Variants in DICER1 observed in about 807,000 individuals in gnomAD.
DICER1 encodes the protein endoribonuclease Dicer.
In DICER1, 43 loss-of-function variants were observed where a neutral mutation model predicts 194.1. The ratio of observed to expected loss-of-function variants is 0.22; its 90% CI spans 0.17 to 0.29. DICER1 has a LOEUF of 0.29. Among genes scored for constraint, DICER1 ranks in the 10% least tolerant of loss-of-function variants. DICER1 has a pLI of 1.00. For missense variants in DICER1, 1,608 were observed against 2,317.0 expected (o/e 0.69, Z 6.28); for synonymous variants, 832 against 820.5 (o/e 1.01, Z -0.24).
rs183203101 is a variant in DICER1, at chr14:95,087,404, A to C, written c.*3094T>G. The C allele has an allele frequency of 4.3e-6, 1 of 233,302 alleles. No homozygotes were observed. The highest frequency in any genetic ancestry group is 2.2e-5 in the African/African-American group (1 of 45,360). The allele number at this position is 233,302 out of a possible 1,614,324, so 14.5% of individuals were successfully genotyped here. On this transcript the variant is annotated 3_prime_UTR_variant, in exon 27 of 27. Coordinates refer to ENST00000343455, the MANE Select transcript of DICER1 (RefSeq NM_177438.3). The stretch of plus-strand genomic sequence containing the variant: ...AGAGTTCAGTTAACAAATCTGTTTC[A>C]TACTTTCACAAACAGTAAAAATGCC...
rs1060503594 is a variant in DICER1, at chr14:95,117,708, T to A, written c.1423A>T (p.Ser475Cys). 7.4e-6 allele frequency: 12 copies of A among 1,613,764 alleles called. No homozygotes were observed. The highest frequency in any genetic ancestry group is 2.7e-5 in the African/African-American group (2 of 74,916). ...GKQDPELAYI[S>C]SNFITGHGIG... ...CCATGTCCAGTTATGAAATTGCTACTGATATAAGCCAGCTCTGGATCTTGT... is the reference window on the plus strand; with the variant it reads ...CCATGTCCAGTTATGAAATTGCTACAGATATAAGCCAGCTCTGGATCTTGT... The change falls in exon 9 of 27, where the codon AGT (serine) becomes TGT (cysteine). Residue 475 changes from serine (S) to cysteine (C), a missense_variant. Physicochemically the swap from Ser to Cys is moderately radical, Grantham distance 112. Around this residue, in one of 10 missense-constraint regions of DICER1, gnomAD observed 657 missense variants for 910.1 expected, o/e 0.72. Transcript: ENST00000343455.
At chr14:95,093,785 G>T in intron 24 of DICER1, 103 bp downstream of exon 24, 1 of 1,276,138 alleles carries the variant, frequency 7.8e-7, no homozygotes, top group Non-Finnish European at 1.1e-6. Context: ...CCACACCCCT[G>T]ACCTCCTGCT....
intron 26 of DICER1, 138 bp downstream of exon 26, chr14:95,090,896 A>G: frequency 1.0e-6 from 1 of 997,906 alleles, no homozygotes; most frequent in Non-Finnish European, 1.5e-6. Flanking sequence ...GAAGTCAATC[A>G]GATTACAAAC....
intron 8 of DICER1, among the ~76,000 whole-genome samples, chr14:95,120,493 C>T (rs1036046088): frequency 4.6e-5 from 7 of 152,186 alleles, no homozygotes; most frequent in Middle Eastern, 3.4e-3. Flanking sequence ...ACAAAGTGGG[C>T]AGAAAAGAAA....
At chr14:95,114,662 A>G (rs1399071044) in intron 11 of DICER1, among the ~76,000 whole-genome samples, 1 of 152,214 alleles carries the variant, frequency 6.6e-6, no homozygotes, top group Non-Finnish European at 1.5e-5. Flanking sequence ...ACTAATTATA[A>G]AAGGGGTGAA....
At chr14:95,109,595 T>A (rs1211209528) in intron 14 of DICER1, among the ~76,000 whole-genome samples, 1 of 152,250 alleles carries the variant, frequency 6.6e-6, no homozygotes, top group Admixed American at 6.5e-5. Context: ...TAGTCTCACG[T>A]GAAAATTTGG....
Position 95,115,945 on chromosome 14 carries a change from T to C in DICER1, c.1753-124A>G, listed in dbSNP as rs879599133. Reference sequence around the variant, plus strand: ...TCTCTCTCTCCTAAACATACTTCAGTACTCCAAAGTAACCTGCTGCAGACA... The same window carrying C: ...TCTCTCTCTCCTAAACATACTTCAGCACTCCAAAGTAACCTGCTGCAGACA... On this transcript the variant is annotated intron_variant, in intron 10 of 26. Coordinates refer to ENST00000343455, the MANE Select transcript of DICER1 (RefSeq NM_177438.3). 4.3e-6 allele frequency: 4 copies of C among 930,402 alleles called. No homozygotes were observed. In the Admixed American group the frequency reaches 5.9e-5, roughly 14 times the overall value. 57.6% of individuals were successfully genotyped at this position (930,402 alleles called of 1,614,324 possible). A position where few individuals can be genotyped will look rare whatever the true frequency, so the allele number is the denominator to read the frequency against.
Position 95,105,579 on chromosome 14 carries a change from T to C in DICER1, c.3093+99A>G. 2 of 950,460 alleles carry C rather than the reference T, an allele frequency of 2.1e-6. No individual in the cohort carries two copies. Among genetic ancestry groups the C allele is most frequent in the Non-Finnish European group, 3.3e-6 (2 of 601,558 alleles). The allele number at this position is 950,460 out of a possible 1,614,324, so 58.9% of individuals were successfully genotyped here. A position where few individuals can be genotyped will look rare whatever the true frequency, so the allele number is the denominator to read the frequency against. Reference sequence around the variant, plus strand: ...AGGTAACTTCTAAAAAATTAACGAATCATGCATTTAACTTGGTAAGATAAA... The same window carrying C: ...AGGTAACTTCTAAAAAATTAACGAACCATGCATTTAACTTGGTAAGATAAA... On this transcript the variant is annotated intron_variant, in intron 19 of 26. Coordinates refer to ENST00000343455, the MANE Select transcript of DICER1 (RefSeq NM_177438.3). This position sits in a 1 kb window ranked among gnomAD's most constrained non-coding sequence, Gnocchi z 4.9.
intron 1 of DICER1, among the ~76,000 whole-genome samples, chr14:95,139,626 T>C (rs932496829): frequency 6.6e-6 from 1 of 152,218 alleles, no homozygotes; most frequent in Non-Finnish European, 1.5e-5. Context: ...TGTATATACA[T>C]TTAAGTAAAT....
chr14:95,112,950 G>A, intron 12 of DICER1, 142 bp downstream of exon 12: 1 of 826,274 alleles, frequency 1.2e-6, no homozygotes. Flanking sequence ...TTTTATTTTT[G>A]GTCTGTCAAC....
intron 17 of DICER1, 139 bp downstream of exon 17, chr14:95,107,467 GTC>G: frequency 1.2e-6 from 1 of 801,550 alleles, no homozygotes; most frequent in South Asian, 1.4e-5. Flanking sequence ...GGCCAGGATG[GTC>G]TCAATCTCCT....
At chr14:95,113,470 A>G (rs1892165243) in intron 11 of DICER1, among the ~76,000 whole-genome samples, 1 of 152,280 alleles carries the variant, frequency 6.6e-6, no homozygotes, top group East Asian at 1.9e-4. Flanking sequence ...TTGAAATGTG[A>G]GAAGTACAAC....
In DICER1 at chr14:95,132,567, G is replaced by C. The variant is rs763422772; in HGVS notation, c.255C>G (p.Ile85Met). The C allele has an allele frequency of 3.4e-5, 55 of 1,613,842 alleles. No homozygotes were observed. In the Admixed American group the frequency reaches 8.7e-4, roughly 25 times the overall value. The change falls in exon 3 of 27, where the codon ATC (isoleucine) becomes ATG (methionine). Residue 85 changes from isoleucine (I) to methionine (M), a missense_variant. Ile to Met is a conservative substitution (Grantham distance 10). This residue lies in a region of DICER1 where 657 missense variants were observed against 910.1 expected (regional missense o/e 0.72). Coordinates refer to ENST00000343455, the MANE Select transcript of DICER1 (RefSeq NM_177438.3). ...TTCCATTTCTGCTGAAGTCTCCCCT[G>C]ATCTGATAGGACAGCTCTTTAGTGA... ...VLLTKELSYQIRGDFSRNGKR... is the reference protein window; with the variant it reads ...VLLTKELSYQMRGDFSRNGKR...
rs780069801 is a variant in DICER1 at position 95,111,384 on chromosome 14, T to C, written c.2189A>G (p.Asp730Gly). Residue 730 changes from aspartate (D) to glycine (G), a missense_variant, in exon 14 of 27, where the codon GAT (aspartate) becomes GGT (glycine). Transcript: ENST00000343455. The part of the protein sequence containing the change: ...VKYEEELDLH[D>G]EEETSVPGRP... ...TCCTGGAACACTGGTCTCTTCTTCA[T>C]CATGCAAATCAAGCTCCTCTTCATA... The C allele has an allele frequency of 6.2e-7, 1 of 1,614,182 alleles. No homozygotes were observed. The highest frequency in any genetic ancestry group is 1.7e-5 in the Admixed American group (1 of 60,024).
At chr14:95,102,378 C>G (rs994783016) in intron 21 of DICER1, among the ~76,000 whole-genome samples, 1 of 152,168 alleles carries the variant, frequency 6.6e-6, no homozygotes, top group Admixed American at 6.5e-5. Flanking sequence ...TCAACAGTGC[C>G]TACAACATTC....
In DICER1 at chr14:95,095,868, G is replaced by C. The variant is rs145027662; in HGVS notation, c.5052C>G (p.Leu1684=). Residue 1684 remains leucine (L), a synonymous_variant, in exon 23 of 27, where the codon CTC becomes CTG. Transcript: ENST00000343455. ...GGTAGGAGGCATGTGTAAAAGCCTG[G>C]AGAAGGTAAGCCTTATTCTTGAATC... is the stretch of plus-strand genomic sequence containing the variant. ...NYRFKNKAYL[L]QAFTHASYHY... 8 of 1,614,168 alleles carry C rather than the reference G, an allele frequency of 5.0e-6. No homozygotes were observed. The African/African-American group carries it at 1.1e-4, about 22-fold the overall frequency.
rs777507795 is a variant in DICER1, at chr14:95,132,498, A to C, written c.307+17T>G. The C allele has an allele frequency of 1.9e-5, 30 of 1,613,344 alleles. No individual in the cohort carries two copies. In the Admixed American group the frequency reaches 4.8e-4, roughly 26 times the overall value. On this transcript the variant is annotated intron_variant, in intron 3 of 26. Coordinates refer to ENST00000343455, the MANE Select transcript of DICER1 (RefSeq NM_177438.3). ...CCAATTTCCCCTGCACAACTTGATA[A>C]AATAATTTTTTATTACCAGAGTTGA...
intron 4 of DICER1, among the ~76,000 whole-genome samples, chr14:95,131,073 G>A (rs1023420494): frequency 5.9e-5 from 9 of 151,936 alleles, no homozygotes; most frequent in South Asian, 2.1e-4. Flanking sequence ...GCTGTCACCC[G>A]GGCTGGAGTG....
intron 1 of DICER1, among the ~76,000 whole-genome samples, chr14:95,140,288 A>C (rs780380372): frequency 5.3e-5 from 8 of 152,220 alleles, no homozygotes; most frequent in Non-Finnish European, 1.0e-4. Flanking sequence ...ACCCCGTATA[A>C]GACTATGGTC....
Sources: gnomAD v4.1 joint callset for allele counts (sites outside exome capture counted in the v4.1 genomes callset) on GRCh38, gnomAD v4.1.1 for gene constraint, gnomAD v4.1.1 regional missense constraint, Gnocchi (gnomAD v3.1) non-coding constraint, MANE v1.5 for transcripts, NCBI Gene and HGNC (gene_info 2026-07-23, HGNC 2026-07-21) for gene names.